The following PROX1 variants were observed in gnomAD, a reference collection of about 807,000 sequenced individuals.
The protein encoded by PROX1 is prospero homeobox protein 1.
PROX1 carries 7 observed loss-of-function variants against 58.8 expected under a neutral mutation model. That is an observed-to-expected ratio of 0.12 (90% CI 0.07 to 0.22). PROX1 has a LOEUF of 0.22. Among genes scored for constraint, PROX1 ranks in the 10% least tolerant of loss-of-function variants. The pLI, the probability that PROX1 is intolerant of heterozygous loss-of-function variation, is 1.00. For synonymous variants in PROX1, 350 were observed against 358.3 expected (o/e 0.98, Z 0.26); for missense variants, 675 against 927.8 (o/e 0.73, Z 3.54).
chr1:213,990,571 A>G (rs2102679261), intron 1 of PROX1, among the ~76,000 whole-genome samples: 1 of 151,890 alleles, frequency 6.6e-6, no homozygotes, highest in East Asian at 1.9e-4. Context: ...AGGTGGAGGG[A>G]GACTGACTTT....
chr1:214,011,827 C>T, intron 4 of PROX1, 112 bp downstream of exon 4: 1 of 852,616 alleles, frequency 1.2e-6, no homozygotes, highest in African/African-American at 1.7e-5. Flanking sequence ...ATACAAGCAT[C>T]CCCCAATAGA....
intron 3 of PROX1, among the ~76,000 whole-genome samples, chr1:214,009,646 A>G (rs1012475707): frequency 6.6e-6 from 1 of 151,772 alleles, no homozygotes; most frequent in African/African-American, 2.4e-5. Context: ...TAAGCTTTAA[A>G]TCTCCCTTTA....
upstream of PROX1, chr1:213,985,657 A>G (rs1237998026): frequency 1.3e-5 from 2 of 152,240 alleles, no homozygotes; most frequent in Admixed American, 6.5e-5. Context: ...ACGGCGTGAC[A>G]CAGGACTTAC....
intron 4 of PROX1, among the ~76,000 whole-genome samples, chr1:214,022,062 C>T (rs1485017152): frequency 6.6e-6 from 1 of 152,122 alleles, no homozygotes; most frequent in African/African-American, 2.4e-5. Flanking sequence ...ATAAAACATC[C>T]CCTTGAAATC....
rs66460564 is a variant in PROX1, at chr1:213,994,750, AATATATATATATATAT to A, written c.-67-1681_-67-1666del. Among the ~76,000 whole-genome samples the A allele has an allele frequency of 4.0e-3, 351 of 88,296 alleles. 4 individuals carry two copies. Among genetic ancestry groups the A allele is most frequent in the East Asian group, 0.012 (25 of 2,058 alleles). 57.9% of individuals were successfully genotyped at this position (88,296 alleles called of 152,430 possible). A position where few individuals can be genotyped will look rare whatever the true frequency, so the allele number is the denominator to read the frequency against. ...AAAGTATTTCATTCTCAAGCATGCA[AATATATATATATATAT>A]ATATATATATATATATATATATATA... On this transcript the variant is annotated intron_variant, in intron 1 of 4. Transcript: ENST00000366958.
rs1662915210 is a variant in PROX1, at chr1:213,988,966, G to C, written c.-68+483G>C. On this transcript the variant is annotated intron_variant, in intron 1 of 4. Coordinates refer to ENST00000366958, the MANE Select transcript of PROX1 (RefSeq NM_001270616.2). ...TTGTTCGTGGAGATCCCCGCTTTCC[G>C]CCAAACCCCATCCTTCCGATCTCCC... Among the ~76,000 whole-genome samples, 4 of 150,464 alleles carry C rather than the reference G, an allele frequency of 2.7e-5. No homozygotes were observed. In the South Asian group the frequency reaches 8.9e-4, roughly 34 times the overall value.
intron 4 of PROX1, among the ~76,000 whole-genome samples, chr1:214,026,318 G>A (rs141600031): frequency 2.0e-4 from 30 of 152,208 alleles, no homozygotes; most frequent in African/African-American, 4.8e-4. Flanking sequence ...CTTAAAGCAC[G>A]TTCACTGACC....
intron 4 of PROX1, among the ~76,000 whole-genome samples, chr1:214,014,483 T>TTGA (rs1431996310): frequency 6.6e-6 from 1 of 152,202 alleles, no homozygotes; most frequent in African/African-American, 2.4e-5. Flanking sequence ...AAATGTCTTA[T>TTGA]TGATTGTATT....
chr1:214,016,986 A>G (rs1246110109), intron 4 of PROX1, among the ~76,000 whole-genome samples: 1 of 152,230 alleles, frequency 6.6e-6, no homozygotes, highest in Non-Finnish European at 1.5e-5. Context: ...TATTAGTTAT[A>G]GCATTCCATG....
upstream of PROX1, among the ~76,000 whole-genome samples, chr1:213,986,575 A>C (rs1052064928): frequency 1.1e-4 from 17 of 152,196 alleles, no homozygotes; most frequent in African/African-American, 4.1e-4. Context: ...AACACACCTC[A>C]TAAATACCCT....
At position 214,038,299 on chromosome 1, in the gene PROX1, G is replaced by GT. The variant is rs1413661056; in HGVS notation, c.*2469dup. 2 of 152,078 alleles carry GT rather than the reference G, an allele frequency of 1.3e-5. No homozygotes were observed. The highest frequency in any genetic ancestry group is 3.4e-3 in the Middle Eastern group (1 of 294). The allele number at this position is 152,078 out of a possible 1,614,324, so 9.4% of individuals were successfully genotyped here. On this transcript the variant is annotated 3_prime_UTR_variant, in exon 5 of 5. Transcript: ENST00000366958. ...AACTTTATCACTATGCTTTCCGGTG[G>GT]TTTTCCCTTTTACAATCGAAATCTT...
chr1:213,999,725 C>T (rs374338381), intron 2 of PROX1, among the ~76,000 whole-genome samples: 1 of 152,180 alleles, frequency 6.6e-6, no homozygotes, highest in South Asian at 2.1e-4. Flanking sequence ...GTTGATTTCA[C>T]TTGGACCTTT....
chr1:214,001,930 G>A (rs1256799433), intron 2 of PROX1, among the ~76,000 whole-genome samples: 1 of 151,816 alleles, frequency 6.6e-6, no homozygotes, highest in Non-Finnish European at 1.5e-5. Context: ...TGGGAGTTAC[G>A]ACTTGCTCTA....
intron 2 of PROX1, among the ~76,000 whole-genome samples, chr1:213,999,383 T>C (rs1337727329): frequency 6.6e-6 from 1 of 152,220 alleles, no homozygotes; most frequent in Non-Finnish European, 1.5e-5. Flanking sequence ...TGTGACTAAA[T>C]TTAGGATTTT....
In PROX1 at chr1:214,037,155, T is replaced by C. The variant is rs1571851131; in HGVS notation, c.*1321T>C. ...CATGGTTCTCCTCTTTTTTCCCTTT[T>C]ATTTTTCCCTGTTTTTCAATGATGT... On this transcript the variant is annotated 3_prime_UTR_variant, in exon 5 of 5. Transcript: ENST00000366958. 1 of 152,204 alleles carries C rather than the reference T, an allele frequency of 6.6e-6. No homozygotes were observed. The highest frequency in any genetic ancestry group is 1.5e-5 in the Non-Finnish European group (1 of 68,040). 9.4% of individuals were successfully genotyped at this position (152,204 alleles called of 1,614,324 possible). A position where few individuals can be genotyped will look rare whatever the true frequency, so the allele number is the denominator to read the frequency against.
At chr1:214,031,046 TG>T (rs1331833620) in intron 4 of PROX1, 1 of 151,152 alleles carries the variant, frequency 6.6e-6, no homozygotes, top group Non-Finnish European at 1.5e-5. Flanking sequence ...TGTGTGTGTG[TG>T]TGTGTGTGTG....
rs911527881 is a variant in PROX1, at chr1:213,994,838, G to A, written c.-67-1631G>A. On this transcript the variant is annotated intron_variant, in intron 1 of 4. Transcript: ENST00000366958. Reference sequence around the variant, plus strand: ...CATTTTGCTTTCATGATACCCTAAAGCAGGCTCTTTTAAAATGTTTTATCT... The same window carrying A: ...CATTTTGCTTTCATGATACCCTAAAACAGGCTCTTTTAAAATGTTTTATCT... Among the ~76,000 whole-genome samples the A allele has an allele frequency of 3.0e-4, 40 of 132,656 alleles. 1 individual carries two copies. Among genetic ancestry groups the A allele is most frequent in the Non-Finnish European group, 5.8e-4 (37 of 63,528 alleles). 87.0% of individuals were successfully genotyped at this position (132,656 alleles called of 152,430 possible). A position where few individuals can be genotyped will look rare whatever the true frequency, so the allele number is the denominator to read the frequency against.
chr1:213,993,299 A>C (rs1329138963), intron 1 of PROX1, among the ~76,000 whole-genome samples: 2 of 152,212 alleles, frequency 1.3e-5, no homozygotes, highest in Non-Finnish European at 2.9e-5. Context: ...GTGTTGATCA[A>C]AAGCTTCATA....
intron 4 of PROX1, chr1:214,029,172 G>A (rs1257931342): frequency 1.3e-5 from 2 of 152,218 alleles, no homozygotes; most frequent in Non-Finnish European, 2.9e-5. Flanking sequence ...ATGAATGCTC[G>A]GGAAAGTACT....
Sources: gnomAD v4.1 joint callset for allele counts (sites outside exome capture counted in the v4.1 genomes callset) on GRCh38, gnomAD v4.1.1 for gene constraint, MANE v1.5 for transcripts, NCBI Gene and HGNC (gene_info 2026-07-23, HGNC 2026-07-21) for gene names.